GLCE: variants seen among roughly 807,000 people sequenced by gnomAD.
GLCE encodes the protein D-glucuronyl C5-epimerase.
GLCE carries 19 observed loss-of-function variants against 47.9 expected under a neutral mutation model. That is an observed-to-expected ratio of 0.40 (90% CI 0.28 to 0.58). The LOEUF (loss-of-function observed/expected upper bound fraction) is 0.58. GLCE is among the 20% of genes least tolerant of loss of function. GLCE has a pLI of 0.48. For missense variants in GLCE, 556 were observed against 743.3 expected, an observed-to-expected ratio of 0.75 and a Z score of 2.93; for synonymous variants, 245 against 263.4, an observed-to-expected ratio of 0.93 and a Z score of 0.68.
At chr15:69,207,261 A>T (rs532280095) in intron 1 of GLCE, among the ~76,000 whole-genome samples, 2 of 152,224 alleles carry the variant, frequency 1.3e-5, no homozygotes, top group East Asian at 1.9e-4. Context: ...TTGATTTTTT[A>T]AAATTTGCAT....
intron 1 of GLCE, among the ~76,000 whole-genome samples, chr15:69,192,200 T>C (rs2051923449): frequency 6.6e-6 from 1 of 152,028 alleles, no homozygotes; most frequent in Admixed American, 6.6e-5. Context: ...ATTGCCGACA[T>C]TGCTACAGAG....
intron 2 of GLCE, among the ~76,000 whole-genome samples, chr15:69,247,482 G>T (rs1329501103): frequency 6.6e-6 from 1 of 152,208 alleles, no homozygotes; most frequent in Non-Finnish European, 1.5e-5. Context: ...CAGCAATAAG[G>T]CTGTTTCACT....
chr15:69,184,850 G>A (rs1390092915), intron 1 of GLCE, among the ~76,000 whole-genome samples: 1 of 152,182 alleles, frequency 6.6e-6, no homozygotes, highest in Non-Finnish European at 1.5e-5. Context: ...TCTATAAGGA[G>A]GAAAAATTCT....
At chr15:69,235,153 G>A (rs1032914384) in intron 2 of GLCE, among the ~76,000 whole-genome samples, 1 of 127,684 alleles carries the variant, frequency 7.8e-6, no homozygotes, top group East Asian at 2.3e-4. Flanking sequence ...TGTCACCCAG[G>A]CTGGAGTGCA....
At chr15:69,200,076 T>C (rs1211391938) in intron 1 of GLCE, among the ~76,000 whole-genome samples, 2 of 152,124 alleles carry the variant, frequency 1.3e-5, no homozygotes, top group African/African-American at 4.8e-5. Context: ...CACTAGTATT[T>C]TGTGAGATAG....
chr15:69,245,226 A>C lies in GLCE; in HGVS notation c.-13-10568A>C, dbSNP rs1017686521. Among the ~76,000 whole-genome samples, 3 of 151,158 alleles carry C rather than the reference A, an allele frequency of 2.0e-5. No homozygotes were observed. The East Asian group carries it at 5.9e-4, about 30-fold the overall frequency. On this transcript the variant is annotated intron_variant, in intron 2 of 4. Coordinates refer to ENST00000261858, the MANE Select transcript of GLCE (RefSeq NM_015554.3). ...CATATGCCTGTAATCCCAGCTACTCAGGAGGCTGAGGCACAAGAATCGCTT... is the reference window on the plus strand; with the variant it reads ...CATATGCCTGTAATCCCAGCTACTCCGGAGGCTGAGGCACAAGAATCGCTT...
intron 3 of GLCE, among the ~76,000 whole-genome samples, chr15:69,257,593 C>T (rs931558790): frequency 3.9e-5 from 6 of 152,172 alleles, no homozygotes; most frequent in Non-Finnish European, 7.4e-5. Context: ...AGTCCTTCCA[C>T]CTTAGCCTCC....
In GLCE at chr15:69,269,155, C is replaced by G; in HGVS notation, c.1765C>G (p.Leu589Val). The G allele has an allele frequency of 2.5e-6, 4 of 1,613,874 alleles. No individual in the cohort carries two copies. Among genetic ancestry groups the G allele is most frequent in the Non-Finnish European group, 3.4e-6 (4 of 1,179,786 alleles). ...HTTHINQLQL[L>V]STIDESPVFK... ...CACCCACATCAATCAGTTGCAGCTA[C>G]TCAGTACCATTGATGAGTCCCCAGT... The change falls in exon 5 of 5, where the codon CTC (leucine) becomes GTC (valine). Residue 589 changes from leucine (L) to valine (V), a missense_variant. This residue lies in a region of GLCE where 245 missense variants were observed against 368.1 expected (regional missense o/e 0.67). Coordinates refer to ENST00000261858, the MANE Select transcript of GLCE (RefSeq NM_015554.3).
chr15:69,180,987 A>G (rs1267941760), intron 1 of GLCE, among the ~76,000 whole-genome samples: 1 of 152,180 alleles, frequency 6.6e-6, no homozygotes. Context: ...CCAAAATGGT[A>G]GTAGTGGTGG....
intron 1 of GLCE, among the ~76,000 whole-genome samples, chr15:69,199,631 A>G (rs1595750797): frequency 1.3e-5 from 2 of 152,204 alleles, no homozygotes; most frequent in African/African-American, 4.8e-5. Context: ...AGTTGAGGAA[A>G]TGGCTACCCA....
intron 3 of GLCE, among the ~76,000 whole-genome samples, chr15:69,259,560 T>G (rs555838888): frequency 1.4e-4 from 22 of 152,326 alleles, no homozygotes; most frequent in Admixed American, 9.2e-4. Context: ...TTTTAAACCT[T>G]TTTCCCCAAT....
At chr15:69,180,954 C>T (rs369596041) in intron 1 of GLCE, among the ~76,000 whole-genome samples, 2 of 152,104 alleles carry the variant, frequency 1.3e-5, no homozygotes, top group East Asian at 3.9e-4. Flanking sequence ...TGCAGTAATT[C>T]AGGTGAGAGG....
Position 69,268,448 on chromosome 15 carries a change from A to T in GLCE, c.1058A>T (p.Asp353Val), listed in dbSNP as rs746931391. The change falls in exon 5 of 5, where the codon GAC (aspartate) becomes GTC (valine). Residue 353 changes from aspartate to valine, a missense_variant. This residue lies in a region of GLCE where 245 missense variants were observed against 368.1 expected (regional missense o/e 0.67). Coordinates refer to ENST00000261858, the MANE Select transcript of GLCE (RefSeq NM_015554.3). ...ACTTCATGGAGCACAGTTACCAGGG[A>T]CCTGGTCACTGACCTCAGGAAAGGA... ...PRTSWSTVTR[D>V]LVTDLRKGVG... is the part of the protein sequence containing the mutation. 1 of 1,613,440 alleles carries T rather than the reference A, an allele frequency of 6.2e-7. No homozygotes were observed. The highest frequency in any genetic ancestry group is 8.5e-7 in the Non-Finnish European group (1 of 1,179,362).
chr15:69,236,585 G>A (rs898396595), intron 2 of GLCE, among the ~76,000 whole-genome samples: 2 of 152,176 alleles, frequency 1.3e-5, no homozygotes, highest in Non-Finnish European at 2.9e-5. Context: ...TCTCTTAAGA[G>A]ATTTTGGACA....
At position 69,196,241 on chromosome 15, in the gene GLCE, G is replaced by T. The variant is rs1370010264; in HGVS notation, c.-104-14075G>T. On this transcript the variant is annotated intron_variant, in intron 1 of 4. Coordinates refer to ENST00000261858, the MANE Select transcript of GLCE (RefSeq NM_015554.3). ...GTGTGACTGAAGTGGAGTGAGCATG[G>T]AGTGTTAGGCTGGTGCAGACATAAT... Among the ~76,000 whole-genome samples the T allele has an allele frequency of 2.6e-5, 4 of 152,062 alleles. 1 individual carries two copies. Among genetic ancestry groups the T allele is most frequent in the Non-Finnish European group, 5.9e-5 (4 of 67,992 alleles).
intron 1 of GLCE, among the ~76,000 whole-genome samples, chr15:69,199,561 T>A (rs2052046752): frequency 6.6e-6 from 1 of 152,188 alleles, no homozygotes; most frequent in African/African-American, 2.4e-5. Context: ...AACTAAGGAA[T>A]CTCATCCTCT....
At position 69,269,856 on chromosome 15, in the gene GLCE, A is replaced by T. The variant is rs1011246098; in HGVS notation, c.*612A>T. On this transcript the variant is annotated 3_prime_UTR_variant, in exon 5 of 5. Coordinates refer to ENST00000261858, the MANE Select transcript of GLCE (RefSeq NM_015554.3). ...CTTGAAACGTGTAAATTAAAAACAC[A>T]ATCAGTGTTCAGGCTTCAGTTATAT... 6.5e-6 allele frequency: 1 copy of T among 152,674 alleles called. No homozygotes were observed. The highest frequency in any genetic ancestry group is 2.4e-5 in the African/African-American group (1 of 41,458). The allele number at this position is 152,674 out of a possible 1,614,324, so 9.5% of individuals were successfully genotyped here.
intron 1 of GLCE, among the ~76,000 whole-genome samples, chr15:69,182,497 G>C (rs1194781728): frequency 6.6e-6 from 1 of 152,126 alleles, no homozygotes; most frequent in Non-Finnish European, 1.5e-5. Flanking sequence ...GATTGACATA[G>C]TCAGAAGGAA....
In GLCE at chr15:69,248,666, G is replaced by A. The variant is rs561709804; in HGVS notation, c.-13-7128G>A. Among the ~76,000 whole-genome samples, 7 of 151,920 alleles carry A rather than the reference G, an allele frequency of 4.6e-5. No individual in the cohort carries two copies. In the East Asian group the frequency reaches 7.7e-4, roughly 17 times the overall value. On this transcript the variant is annotated intron_variant, in intron 2 of 4. Transcript: ENST00000261858. ...TTTTTTTTTGCCCCCTCACTCTGTCGCCCAGGCTGGAGTGCAATGGCGATC... is the reference window on the plus strand; with the variant it reads ...TTTTTTTTTGCCCCCTCACTCTGTCACCCAGGCTGGAGTGCAATGGCGATC...
Sources: allele counts gnomAD v4.1 joint callset (sites outside exome capture counted in the v4.1 genomes callset), GRCh38; gene constraint gnomAD v4.1.1; regional missense constraint gnomAD v4.1.1; transcripts MANE v1.5; gene names NCBI Gene and HGNC (gene_info 2026-07-23, HGNC 2026-07-21).